The following SPAG9 variants were observed in gnomAD, a reference collection of about 807,000 sequenced individuals.
SPAG9 encodes the protein sperm associated antigen 9.
In SPAG9, 35 loss-of-function variants were observed where a neutral mutation model predicts 166.5. The ratio of observed to expected loss-of-function variants is 0.21; its 90% CI spans 0.16 to 0.28. SPAG9 has a LOEUF of 0.28. Among genes scored for constraint, SPAG9 ranks in the 10% least tolerant of loss-of-function variants. The pLI, the probability that SPAG9 is intolerant of heterozygous loss-of-function variation, is 1.00. For synonymous variants in SPAG9, 534 were observed against 565.5 expected (o/e 0.94, Z 0.79); for missense variants, 1,235 against 1,603.3 (o/e 0.77, Z 3.92).
At chr17:51,110,701 A>G (rs1225803134) in intron 1 of SPAG9, among the ~76,000 whole-genome samples, 2 of 152,086 alleles carry the variant, frequency 1.3e-5, no homozygotes, top group African/African-American at 4.8e-5. Context: ...ACATAAAATA[A>G]AATTCTATAC....
At position 50,990,276 on chromosome 17, in the gene SPAG9, C is replaced by A. The variant is rs149734063; in HGVS notation, c.2617+174G>T. 2.4e-3 allele frequency: 1,432 copies of A among 602,766 alleles called. 19 individuals carry two copies. The highest frequency in any genetic ancestry group is 0.021 in the African/African-American group (1,158 of 54,164). 37.3% of individuals were successfully genotyped at this position (602,766 alleles called of 1,614,324 possible). A position where few individuals can be genotyped will look rare whatever the true frequency, so the allele number is the denominator to read the frequency against. ...ATCTCCTGACCTCGTGATCCACCCG[C>A]CTTGGCCTCCCAGAGTGCTGGGATT... On this transcript the variant is annotated intron_variant, in intron 20 of 29. Coordinates refer to ENST00000262013, the MANE Select transcript of SPAG9 (RefSeq NM_001130528.3).
intron 2 of SPAG9, among the ~76,000 whole-genome samples, chr17:51,064,488 G>T (rs1182367555): frequency 5.3e-5 from 8 of 151,990 alleles, no homozygotes; most frequent in Non-Finnish European, 1.0e-4. Flanking sequence ...GGGGGTGGAG[G>T]GTATCCCATA....
chr17:51,031,215 G>C (rs1344945359), intron 6 of SPAG9: 2 of 171,750 alleles, frequency 1.2e-5, no homozygotes, highest in African/African-American at 4.8e-5. Context: ...CACCTGGCCT[G>C]TAGTAGGCTC....
intron 1 of SPAG9, among the ~76,000 whole-genome samples, chr17:51,111,608 G>GT (rs983973988): frequency 7.3e-5 from 11 of 151,278 alleles, no homozygotes; most frequent in Admixed American, 1.3e-4. Context: ...TTTTTGTTTT[G>GT]TTTTTTCTTT....
chr17:51,042,030 C>T (rs565871915), intron 4 of SPAG9, among the ~76,000 whole-genome samples: 13 of 152,264 alleles, frequency 8.5e-5, no homozygotes, highest in African/African-American at 3.1e-4. Flanking sequence ...GAAGTGAATC[C>T]AACCCATTTC....
At chr17:51,079,538 C>T in intron 2 of SPAG9, 46 bp downstream of exon 2, 3 of 1,599,166 alleles carry the variant, frequency 1.9e-6, no homozygotes, top group East Asian at 2.2e-5. Context: ...CACGTCTGGC[C>T]AAGCCCAATC....
intron 10 of SPAG9, 105 bp from the exon 11 acceptor site, chr17:51,006,342 T>A: frequency 9.2e-7 from 1 of 1,086,290 alleles, no homozygotes; most frequent in Non-Finnish European, 1.3e-6. Flanking sequence ...AATAATAATT[T>A]AATACTTCAA....
chr17:51,117,080 T>G (rs2049311400), intron 1 of SPAG9, among the ~76,000 whole-genome samples: 1 of 152,174 alleles, frequency 6.6e-6, no homozygotes, highest in South Asian at 2.1e-4. Context: ...AGCCCTTCTT[T>G]AGGTTGTTTT....
chr17:51,046,577 G>C (rs1219119342), intron 4 of SPAG9: 12 of 1,536,050 alleles, frequency 7.8e-6, no homozygotes, highest in Non-Finnish European at 1.0e-5. Flanking sequence ...GCAAAACAGA[G>C]AGAGATACTA....
intron 1 of SPAG9, among the ~76,000 whole-genome samples, chr17:51,117,094 A>C (rs995492280): frequency 7.2e-5 from 11 of 152,190 alleles, no homozygotes; most frequent in African/African-American, 2.7e-4. Flanking sequence ...TTGTTTTTAA[A>C]GAATCCCTAA....
At chr17:51,082,506 GT>G (rs1156297705) in intron 1 of SPAG9, among the ~76,000 whole-genome samples, 2 of 146,814 alleles carry the variant, frequency 1.4e-5, no homozygotes, top group Non-Finnish European at 3.0e-5. Context: ...CTTATTACTT[GT>G]CTGTCCTCAC....
At chr17:50,992,622 A>G (rs1483912100) in intron 19 of SPAG9, among the ~76,000 whole-genome samples, 2 of 151,480 alleles carry the variant, frequency 1.3e-5, no homozygotes, top group East Asian at 3.9e-4. Context: ...AATGAGTACA[A>G]TGAGTTGTGA....
chr17:51,047,324 C>T, intron 4 of SPAG9, 51 bp downstream of exon 4: 1 of 998,186 alleles, frequency 1.0e-6, no homozygotes, highest in Non-Finnish European at 1.5e-6. Flanking sequence ...CAGAAACAAA[C>T]ATATTATTTA....
chr17:51,012,492 C>T (rs2045527444), intron 9 of SPAG9, among the ~76,000 whole-genome samples: 1 of 151,678 alleles, frequency 6.6e-6, no homozygotes, highest in South Asian at 2.1e-4. Flanking sequence ...ATCACTTGAA[C>T]CAGGGAGGCA....
intron 4 of SPAG9, chr17:51,046,779 C>CA: frequency 1.3e-6 from 2 of 1,534,694 alleles, no homozygotes; most frequent in Non-Finnish European, 1.7e-6. Context: ...ATGCCATCAG[C>CA]AGCAGCTTTC....
At chr17:51,117,806 T>C (rs2049336347) in intron 1 of SPAG9, among the ~76,000 whole-genome samples, 1 of 151,566 alleles carries the variant, frequency 6.6e-6, no homozygotes, top group Admixed American at 6.6e-5. Context: ...AGACAATTTC[T>C]GGATACTGAG....
chr17:51,118,288 C>A (rs183457312), intron 1 of SPAG9, among the ~76,000 whole-genome samples: 35 of 152,232 alleles, frequency 2.3e-4, no homozygotes, highest in African/African-American at 8.4e-4. Context: ...ACAGATGTAA[C>A]TGAAAAAATA....
intron 12 of SPAG9, 56 bp downstream of exon 12, chr17:51,005,156 C>T: frequency 6.8e-7 from 1 of 1,464,908 alleles, no homozygotes; most frequent in Non-Finnish European, 9.5e-7. Flanking sequence ...GGAAGATCTT[C>T]CCGAAACACC....
chr17:51,018,861 C>G (rs2045814914), intron 8 of SPAG9, among the ~76,000 whole-genome samples: 1 of 152,174 alleles, frequency 6.6e-6, no homozygotes, highest in Non-Finnish European at 1.5e-5. Flanking sequence ...CTGTTACTTC[C>G]TTCACTCCCG....
Sources: gnomAD v4.1 joint callset for allele counts (sites outside exome capture counted in the v4.1 genomes callset) on GRCh38, gnomAD v4.1.1 for gene constraint, MANE v1.5 for transcripts, NCBI Gene and HGNC (gene_info 2026-07-23, HGNC 2026-07-21) for gene names.